KDM4D: variants seen among roughly 807,000 people sequenced by gnomAD.
KDM4D encodes lysine-specific demethylase 4D.
For missense variants in KDM4D, 427 were observed against 674.8 expected (o/e 0.63, Z 4.07); for synonymous variants, 254 against 249.1 (o/e 1.02, Z -0.19).
At chr11:94,993,480 C>T (rs1429506701) in intron 2 of KDM4D, among the ~76,000 whole-genome samples, 2 of 150,392 alleles carry the variant, frequency 1.3e-5, no homozygotes, top group Admixed American at 6.6e-5. Context: ...ACTGAAGGAT[C>T]TCTCCATCAT....
At position 94,998,633 on chromosome 11, in the gene KDM4D, G is replaced by T. The variant is rs1555099603; in HGVS notation, c.1261G>T (p.Ala421Ser). ...TGGCACTGCTACGCAGCCCCGGGCT[G>T]CTGCTGTCCACAGCTCTAAGAAGCC... The part of the protein sequence containing the change: ...VSGTATQPRA[A>S]AVHSSKKPSS... Residue 421 changes from alanine (A) to serine (S), a missense_variant, in exon 3 of 3, where the codon GCT becomes TCT. Physicochemically the swap from Ala to Ser is moderately conservative, Grantham distance 99. Coordinates refer to ENST00000335080, the MANE Select transcript of KDM4D (RefSeq NM_018039.3). This position sits in a 1 kb window ranked among gnomAD's most constrained non-coding sequence, Gnocchi z 6.7. 6.2e-7 allele frequency: 1 copy of T among 1,614,218 alleles called. No homozygotes were observed.
At chr11:94,991,645 A>AT (rs1555098690) in intron 2 of KDM4D, among the ~76,000 whole-genome samples, 2 of 151,972 alleles carry the variant, frequency 1.3e-5, no homozygotes. Context: ...AGATGAAGAA[A>AT]TTTTTTAGAA....
intron 2 of KDM4D, among the ~76,000 whole-genome samples, chr11:94,986,271 T>C (rs1555098110): frequency 1.3e-5 from 2 of 152,084 alleles, no homozygotes; most frequent in African/African-American, 4.8e-5. Context: ...TGCAATATCA[T>C]GAGTCATTAA....
intron 2 of KDM4D, among the ~76,000 whole-genome samples, chr11:94,976,260 TC>T (rs1555096977): frequency 1.3e-5 from 2 of 152,112 alleles, no homozygotes; most frequent in African/African-American, 4.8e-5. Flanking sequence ...TTGTTTATTT[TC>T]CCCCTCTACA....
intron 2 of KDM4D, among the ~76,000 whole-genome samples, chr11:94,985,798 A>C (rs990668293): frequency 6.6e-6 from 1 of 152,212 alleles, no homozygotes; most frequent in Non-Finnish European, 1.5e-5. Flanking sequence ...TTTCAACAAA[A>C]GTTTCAAGAC....
In KDM4D at chr11:94,997,477, T is replaced by C; in HGVS notation, c.105T>C (p.Ile35=). ...AGTTTAATGATTTTGATAAATATAT[T>C]GCTTACATGGAATCCCAAGGTGCAC... ...KEEFNDFDKY[I]AYMESQGAHR... Residue 35 remains isoleucine (I), a synonymous_variant, in exon 3 of 3, where the codon ATT becomes ATC. Transcript: ENST00000335080. 6.2e-7 allele frequency: 1 copy of C among 1,614,118 alleles called. No individual in the cohort carries two copies. The highest frequency in any genetic ancestry group is 8.5e-7 in the Non-Finnish European group (1 of 1,179,970).
At chr11:94,989,174 T>C (rs782564295) in intron 2 of KDM4D, among the ~76,000 whole-genome samples, 13 of 152,306 alleles carry the variant, frequency 8.5e-5, no homozygotes, top group Middle Eastern at 3.4e-3. Context: ...GTATATAGAA[T>C]TCACTTTAAG....
Position 94,989,637 on chromosome 11 carries a change from C to T in KDM4D, c.-349-7387C>T, listed in dbSNP as rs142594544. The stretch of plus-strand genomic sequence containing the variant: ...TGCCGTGTGTCTTTCTCCTTTATAT[C>T]CACACTCCTCTAGATGTTCATAAAA... On this transcript the variant is annotated intron_variant, in intron 2 of 2. Transcript: ENST00000335080. 1.3e-4 allele frequency among the ~76,000 whole-genome samples: 20 copies of T among 152,202 alleles called. No homozygotes were observed. The East Asian group carries it at 3.7e-3, about 28-fold the overall frequency.
chr11:94,977,555 C>T (rs1016737754), intron 2 of KDM4D, among the ~76,000 whole-genome samples: 8 of 152,148 alleles, frequency 5.3e-5, no homozygotes, highest in African/African-American at 9.7e-5. Flanking sequence ...TGGAGTCCAA[C>T]GAACCTTGGG....
In KDM4D at chr11:94,998,299, G is replaced by A. The variant is rs781985668; in HGVS notation, c.927G>A (p.Gln309=). 23 of 1,614,234 alleles carry A rather than the reference G, an allele frequency of 1.4e-5. No individual in the cohort carries two copies. The East Asian group carries it at 4.7e-4, about 33-fold the overall frequency. The change falls in exon 3 of 3, where the codon CAG becomes CAA. Residue 309 remains glutamine, a synonymous_variant. Coordinates refer to ENST00000335080, the MANE Select transcript of KDM4D (RefSeq NM_018039.3). This position sits in a 1 kb window ranked among gnomAD's most constrained non-coding sequence, Gnocchi z 6.7. ...TTGATTATGGCAAAATGGCCTCCCA[G>A]TGTAGCTGTGGGGAGGCAAGGGTGA... is the stretch of plus-strand genomic sequence containing the variant. ...RWIDYGKMAS[Q]CSCGEARVTF...
At chr11:94,988,054 G>A (rs1857903278) in intron 2 of KDM4D, among the ~76,000 whole-genome samples, 1 of 152,152 alleles carries the variant, frequency 6.6e-6, no homozygotes, top group Admixed American at 6.5e-5. Context: ...GGAACAACAT[G>A]AGTTTCTATA....
chr11:94,975,596 G>C (rs1857791066), intron 1 of KDM4D, 58 bp from the exon 2 acceptor site: 1 of 151,392 alleles, frequency 6.6e-6, no homozygotes, highest in African/African-American at 2.4e-5. Context: ...ATAAATGTTA[G>C]CTATTATTAT....
At chr11:94,989,752 C>CTTTTTT (rs587676047) in intron 2 of KDM4D, among the ~76,000 whole-genome samples, 22 of 122,806 alleles carry the variant, frequency 1.8e-4, no homozygotes, top group Admixed American at 3.6e-4. Context: ...CTCTCTCTTT[C>CTTTTTT]TTTTTTTTTT....
rs34366036 is a variant in KDM4D, at chr11:94,998,783, G to T, written c.1411G>T (p.Ala471Ser). The T allele has an allele frequency of 2.2e-3, 3,557 of 1,608,550 alleles. 73 individuals are homozygous for T. In the African/African-American group the frequency reaches 0.042, roughly 19 times the overall value. The change falls in exon 3 of 3, where the codon GCC (alanine) becomes TCC (serine). Residue 471 changes from alanine (A) to serine (S), a missense_variant. Coordinates refer to ENST00000335080, the MANE Select transcript of KDM4D (RefSeq NM_018039.3). The surrounding 1 kb of genome is among the most constrained non-coding windows in gnomAD (Gnocchi z 6.7). ...RAQELTLQTP[A>S]KRPLLAGTTC... Reference sequence around the variant, plus strand: ...TCAGGAGCTGACCCTCCAGACTCCAGCCAAGAGGCCCCTCTTGGCGGGCAC... The same window carrying T: ...TCAGGAGCTGACCCTCCAGACTCCATCCAAGAGGCCCCTCTTGGCGGGCAC...
chr11:94,987,940 C>T (rs1315492326), intron 2 of KDM4D, among the ~76,000 whole-genome samples: 5 of 10,840 alleles, frequency 4.6e-4, no homozygotes, highest in African/African-American at 4.9e-4. Context: ...CAAGAGGTTG[C>T]TGTCTTAACA....
At position 94,997,265 on chromosome 11, in the gene KDM4D, C is replaced by A; in HGVS notation, c.-108C>A. 1.3e-6 allele frequency: 1 copy of A among 789,772 alleles called. No individual in the cohort carries two copies. The highest frequency in any genetic ancestry group is 1.9e-6 in the Non-Finnish European group (1 of 517,662). 48.9% of individuals were successfully genotyped at this position (789,772 alleles called of 1,614,324 possible). On this transcript the variant is annotated 5_prime_UTR_variant, in exon 3 of 3. In the 5' UTR this introduces an upstream ATG that the reference lacks. Transcript: ENST00000335080. ...AAAAAAAAAAGTACGCTGGTAGATC[C>A]TGCTACCTCATAGATAACACCAGTC...
Position 94,977,220 on chromosome 11 carries a change from C to T in KDM4D, c.-350+1472C>T, listed in dbSNP as rs370187023. 1.3e-4 allele frequency among the ~76,000 whole-genome samples: 20 copies of T among 152,312 alleles called. No individual in the cohort carries two copies. The East Asian group carries it at 2.3e-3, about 18-fold the overall frequency. ...CTAAAAATGGATTATCACATTACAG[C>T]ATCCGATTGGCAACAATTAAAAAAA... On this transcript the variant is annotated intron_variant, in intron 2 of 2. Transcript: ENST00000335080.
intron 2 of KDM4D, among the ~76,000 whole-genome samples, chr11:94,984,674 G>C (rs937949136): frequency 3.4e-5 from 5 of 145,866 alleles, no homozygotes; most frequent in African/African-American, 1.3e-4. Flanking sequence ...TAACCAACAT[G>C]GTGAAACCCC....
intron 2 of KDM4D, among the ~76,000 whole-genome samples, chr11:94,976,854 A>G (rs1300876492): frequency 6.6e-6 from 1 of 152,236 alleles, no homozygotes; most frequent in Non-Finnish European, 1.5e-5. Flanking sequence ...AACTATTTAT[A>G]GAACCTAGAA....
Sources: gnomAD v4.1 joint callset for allele counts (sites outside exome capture counted in the v4.1 genomes callset) on GRCh38, gnomAD v4.1.1 for gene constraint, Gnocchi (gnomAD v3.1) non-coding constraint, MANE v1.5 for transcripts, NCBI Gene and HGNC (gene_info 2026-07-23, HGNC 2026-07-21) for gene names.